Variants in R3HDM1 observed in about 807,000 individuals in gnomAD.
R3HDM1 encodes R3H domain-containing protein 1.
Under a neutral mutation model 141.1 loss-of-function variants are expected in R3HDM1, and 46 were observed. The observed-to-expected ratio is 0.33, with a 90% confidence interval of 0.26 to 0.42. R3HDM1 has a LOEUF of 0.42. Ranked by LOEUF, R3HDM1 falls within the 10% of genes least tolerant of loss-of-function variation. The probability of loss-of-function intolerance (pLI) is 1.00; values close to 1 mark genes in which losing one functional copy is unlikely to be tolerated. For missense variants in R3HDM1, 1,184 were observed against 1,368.3 expected (o/e 0.87, Z 2.12); for synonymous variants, 435 against 472.9 (o/e 0.92, Z 1.04).
chr2:135,625,512 T>C (rs1250035702), intron 7 of R3HDM1, among the ~76,000 whole-genome samples: 1 of 152,146 alleles, frequency 6.6e-6, no homozygotes, highest in Non-Finnish European at 1.5e-5. Context: ...TATTGTAAGA[T>C]TGCGAAATAT....
At chr2:135,707,010 A>AC (rs1254964272) in intron 21 of R3HDM1, among the ~76,000 whole-genome samples, 15 of 149,530 alleles carry the variant, frequency 1.0e-4, no homozygotes, top group South Asian at 2.1e-4. Context: ...CGGGGGGCTG[A>AC]CCCCCCCACC....
At position 135,621,550 on chromosome 2, in the gene R3HDM1, A is replaced by C. The variant is rs1283127876; in HGVS notation, c.360A>C (p.Lys120Asn). The change falls in exon 6 of 27, where the codon AAA (lysine) becomes AAC (asparagine). Residue 120 changes from lysine (K) to asparagine (N), a missense_variant. Physicochemically the swap from Lys to Asn is moderately conservative, Grantham distance 94. Coordinates refer to ENST00000683871, the MANE Select transcript of R3HDM1 (RefSeq NM_001378107.1). ...QSFEKEEKPS[K>N]DEAEKEKASD... is the part of the protein sequence containing the mutation. ...TTGAGAAAGAAGAGAAGCCCTCAAA[A>C]GATGAAGCAGAAAAAGAAAAGGCCA... 2 of 1,603,996 alleles carry C rather than the reference A, an allele frequency of 1.2e-6. No individual in the cohort carries two copies. Among genetic ancestry groups the C allele is most frequent in the Admixed American group, 1.7e-5 (1 of 59,352 alleles).
At chr2:135,652,171 C>A in intron 18 of R3HDM1, 139 bp downstream of exon 18, 1 of 1,304,752 alleles carries the variant, frequency 7.7e-7, no homozygotes, top group Non-Finnish European at 9.9e-7. Context: ...CATCTTTCCG[C>A]CTCTGGAGAT....
intron 1 of R3HDM1, among the ~76,000 whole-genome samples, chr2:135,587,526 A>C (rs1307050320): frequency 3.3e-5 from 5 of 152,144 alleles, no homozygotes; most frequent in East Asian, 1.9e-4. Flanking sequence ...GTAAGTAATT[A>C]GGGTCATGAA....
chr2:135,584,789 T>C (rs547453088), intron 1 of R3HDM1, among the ~76,000 whole-genome samples: 3 of 152,372 alleles, frequency 2.0e-5, no homozygotes, highest in African/African-American at 7.2e-5. Flanking sequence ...TGAAATGTAG[T>C]AGAAAATATT....
chr2:135,710,349 G>A (rs2075473813), intron 23 of R3HDM1, 118 bp downstream of exon 23: 3 of 1,073,962 alleles, frequency 2.8e-6, no homozygotes, highest in Admixed American at 2.6e-5. Flanking sequence ...TTTGGGCCAG[G>A]CGCGGTGGCT....
intron 1 of R3HDM1, chr2:135,586,659 A>G: frequency 1.0e-6 from 1 of 981,962 alleles, no homozygotes; most frequent in East Asian, 1.1e-4. Context: ...GTCTTTGTTT[A>G]TTTTTGCAAA....
At chr2:135,691,597 C>T (rs1320788164) in intron 21 of R3HDM1, among the ~76,000 whole-genome samples, 1 of 142,138 alleles carries the variant, frequency 7.0e-6, no homozygotes, top group Non-Finnish European at 1.5e-5. Context: ...CCCCTGTCTC[C>T]AAAAAAAAAA....
intron 19 of R3HDM1, chr2:135,670,284 G>T: frequency 1.0e-6 from 1 of 984,334 alleles, no homozygotes; most frequent in South Asian, 4.7e-5. Context: ...GGGATTTGGG[G>T]CCAAATTCTA....
Position 135,674,869 on chromosome 2 carries a change from C to T in R3HDM1, c.2153-463C>T, listed in dbSNP as rs573821412. Among the ~76,000 whole-genome samples, 4 of 151,726 alleles carry T rather than the reference C, an allele frequency of 2.6e-5. No individual in the cohort carries two copies. In the East Asian group the frequency reaches 5.8e-4, roughly 22 times the overall value. On this transcript the variant is annotated intron_variant, in intron 19 of 26. Transcript: ENST00000683871. ...CAGTTTCATGGGAATGGAACCTCTG[C>T]AGATGCATAGAGCCCCATGCTTGTG... is the stretch of plus-strand genomic sequence containing the variant.
chr2:135,704,906 C>A lies in R3HDM1; in HGVS notation c.2460-4527C>A, dbSNP rs921525326. On this transcript the variant is annotated intron_variant, in intron 21 of 26. Transcript: ENST00000683871. ...TTATGAATATACAATAATATATTTA[C>A]CCTATTGCAGAACATTTAGGTCGTA... Among the ~76,000 whole-genome samples the A allele has an allele frequency of 2.0e-5, 3 of 152,012 alleles. No individual in the cohort carries two copies. In the East Asian group the frequency reaches 5.8e-4, roughly 29 times the overall value.
In R3HDM1 at chr2:135,626,919, G is replaced by A. The variant is rs78133963; in HGVS notation, c.497+4187G>A. On this transcript the variant is annotated intron_variant, in intron 7 of 26. Coordinates refer to ENST00000683871, the MANE Select transcript of R3HDM1 (RefSeq NM_001378107.1). ...GAATGAAATTATATAATGTATGGTCGTTCATGACTGGCTTTTATTCACTTA... is the reference window on the plus strand; with the variant it reads ...GAATGAAATTATATAATGTATGGTCATTCATGACTGGCTTTTATTCACTTA... 5.0e-3 allele frequency among the ~76,000 whole-genome samples: 767 copies of A among 152,186 alleles called. 4 individuals are homozygous for A. The highest frequency in any genetic ancestry group is 0.012 in the Admixed American group (187 of 15,280).
chr2:135,629,206 A>T (rs772330804), intron 7 of R3HDM1, among the ~76,000 whole-genome samples: 1 of 151,928 alleles, frequency 6.6e-6, no homozygotes, highest in South Asian at 2.1e-4. Flanking sequence ...AACCCCAGCT[A>T]CCGGGAAGCT....
At chr2:135,610,141 A>C (rs79919785) in intron 3 of R3HDM1, among the ~76,000 whole-genome samples, 2,530 of 152,286 alleles carry the variant, frequency 0.017, 74 homozygotes, top group African/African-American at 0.058. Context: ...TGCTCTGCTT[A>C]TTAAAGGTTC....
Position 135,635,402 on chromosome 2 carries a change from C to T in R3HDM1, c.699-488C>T, listed in dbSNP as rs143402673. On this transcript the variant is annotated intron_variant, in intron 9 of 26. Transcript: ENST00000683871. ...GCTTAATCATATGCCTGCCTTTGAC[C>T]TTGCATATTTGCTTAAGCCATTTGA... is the stretch of plus-strand genomic sequence containing the variant. 2.6e-5 allele frequency among the ~76,000 whole-genome samples: 4 copies of T among 152,280 alleles called. No homozygotes were observed. In the East Asian group the frequency reaches 7.7e-4, roughly 29 times the overall value.
At position 135,604,793 on chromosome 2, in the gene R3HDM1, T is replaced by G. The variant is rs767849386; in HGVS notation, c.-40-13T>G. 72 of 1,574,936 alleles carry G rather than the reference T, an allele frequency of 4.6e-5. No homozygotes were observed. The African/African-American group carries it at 8.1e-4, about 18-fold the overall frequency. ...AAAAAAGTTTCAAACTGTATTAATT[T>G]TTTTTTCTTAAGGCTTCAAGCTCCC... On this transcript the variant is annotated splice_polypyrimidine_tract_variant and intron_variant, in intron 2 of 26. Transcript: ENST00000683871.
chr2:135,578,719 A>T (rs1706079030), intron 1 of R3HDM1, among the ~76,000 whole-genome samples: 1 of 152,228 alleles, frequency 6.6e-6, no homozygotes, highest in South Asian at 2.1e-4. Flanking sequence ...AAAAACAAAT[A>T]TTGTAAGTAG....
intron 21 of R3HDM1, among the ~76,000 whole-genome samples, chr2:135,686,061 G>A (rs1180350967): frequency 1.3e-5 from 2 of 152,140 alleles, no homozygotes; most frequent in African/African-American, 2.4e-5. Flanking sequence ...ACAGGCCAGA[G>A]AAAGGATGCT....
At chr2:135,588,118 A>ACT (rs1033202782) in intron 1 of R3HDM1, among the ~76,000 whole-genome samples, 52 of 137,168 alleles carry the variant, frequency 3.8e-4, no homozygotes, top group African/African-American at 1.4e-3. Flanking sequence ...TGCCCCTCTG[A>ACT]CTCTCTCTCC....
Sources: gnomAD v4.1 joint callset for allele counts (sites outside exome capture counted in the v4.1 genomes callset) on GRCh38, gnomAD v4.1.1 for gene constraint, MANE v1.5 for transcripts, NCBI Gene and HGNC (gene_info 2026-07-23, HGNC 2026-07-21) for gene names.